Variants in ADK observed in about 807,000 individuals in gnomAD.
ADK encodes adenosine kinase.
Under a neutral mutation model 44.7 loss-of-function variants are expected in ADK, and 24 were observed. The ratio of observed to expected loss-of-function variants is 0.54; its 90% CI spans 0.39 to 0.76. ADK has a LOEUF of 0.76. Among genes scored for constraint, ADK ranks in the 30% least tolerant of loss-of-function variants. The pLI, the probability that ADK is intolerant of heterozygous loss-of-function variation, is 0.00. For synonymous variants in ADK, 128 were observed against 142.6 expected, an observed-to-expected ratio of 0.90 and a Z score of 0.73; for missense variants, 321 against 425.1, an observed-to-expected ratio of 0.76 and a Z score of 2.15.
At position 74,623,148 on chromosome 10, in the gene ADK, T is replaced by C. The variant is rs568385609; in HGVS notation, c.877+22655T>C. ...CAACTTTCCCCCTTCCTTTCAGTTATGACAACTGGCTGGTATGGAAGAGTT... is the reference window on the plus strand; with the variant it reads ...CAACTTTCCCCCTTCCTTTCAGTTACGACAACTGGCTGGTATGGAAGAGTT... On this transcript the variant is annotated intron_variant, in intron 9 of 10. Coordinates refer to ENST00000539909, the MANE Select transcript of ADK (RefSeq NM_006721.4). Among the ~76,000 whole-genome samples the C allele has an allele frequency of 2.6e-5, 4 of 152,334 alleles. No individual in the cohort carries two copies. The East Asian group carries it at 7.7e-4, about 29-fold the overall frequency.
intron 3 of ADK, among the ~76,000 whole-genome samples, chr10:74,269,833 C>T (rs1411095079): frequency 6.6e-6 from 1 of 151,990 alleles, no homozygotes; most frequent in Non-Finnish European, 1.5e-5. Context: ...CCTGTGTCTA[C>T]TAAAAATACA....
intron 7 of ADK, among the ~76,000 whole-genome samples, chr10:74,537,656 T>G (rs761133331): frequency 9.2e-5 from 14 of 152,192 alleles, no homozygotes; most frequent in Admixed American, 8.5e-4. Context: ...CAAGGCTCCA[T>G]AATCACTAGA....
intron 4 of ADK, among the ~76,000 whole-genome samples, chr10:74,384,755 G>A (rs1277338757): frequency 2.0e-5 from 3 of 152,160 alleles, no homozygotes; most frequent in Non-Finnish European, 4.4e-5. Flanking sequence ...TGAAACCTAA[G>A]TAGGAAGCTA....
chr10:74,375,399 G>A (rs1011428262), intron 4 of ADK, among the ~76,000 whole-genome samples: 1 of 152,074 alleles, frequency 6.6e-6, no homozygotes, highest in African/African-American at 2.4e-5. Context: ...TCTATTGTTT[G>A]TTAGTGTTTA....
intron 3 of ADK, among the ~76,000 whole-genome samples, chr10:74,273,240 T>C (rs1846511991): frequency 6.6e-6 from 1 of 151,792 alleles, no homozygotes; most frequent in South Asian, 2.1e-4. Flanking sequence ...GCGGAGAGCC[T>C]CCTTGCTTAA....
chr10:74,184,753 G>T lies in ADK; in HGVS notation c.66-16011G>T, dbSNP rs149896465. 2.2e-3 allele frequency among the ~76,000 whole-genome samples: 330 copies of T among 152,198 alleles called. 2 individuals are homozygous for T. Among genetic ancestry groups the T allele is most frequent in the African/African-American group, 7.5e-3 (312 of 41,540 alleles). ...TTTACTCTCAAAAGTGTCCCATTTG[G>T]ATAATAAATTATCTGGTCACCTACA... is the stretch of plus-strand genomic sequence containing the variant. On this transcript the variant is annotated intron_variant, in intron 1 of 10. Coordinates refer to ENST00000539909, the MANE Select transcript of ADK (RefSeq NM_006721.4).
intron 7 of ADK, among the ~76,000 whole-genome samples, chr10:74,567,613 A>G (rs1359993482): frequency 6.6e-6 from 1 of 151,472 alleles, no homozygotes; most frequent in Non-Finnish European, 1.5e-5. Flanking sequence ...TTTGCCTAAA[A>G]TTGTGCCCAT....
intron 2 of ADK, among the ~76,000 whole-genome samples, chr10:74,222,866 T>TG (rs1299628010): frequency 2.3e-4 from 9 of 38,994 alleles, no homozygotes; most frequent in Non-Finnish European, 3.9e-4. Flanking sequence ...TGTTGTGGGG[T>TG]GGGGGGAGGG....
At chr10:74,642,613 T>C (rs1467678738) in intron 9 of ADK, among the ~76,000 whole-genome samples, 1 of 151,998 alleles carries the variant, frequency 6.6e-6, no homozygotes, top group East Asian at 1.9e-4. Context: ...CCATATTCCC[T>C]CTTATAAAAT....
intron 6 of ADK, among the ~76,000 whole-genome samples, chr10:74,423,106 A>G (rs760306729): frequency 1.9e-4 from 29 of 152,278 alleles, no homozygotes; most frequent in Admixed American, 1.2e-3. Context: ...CTCATATACA[A>G]GGGTGAGGGG....
At chr10:74,367,550 G>A (rs1842533194) in intron 4 of ADK, among the ~76,000 whole-genome samples, 1 of 152,162 alleles carries the variant, frequency 6.6e-6, no homozygotes, top group Admixed American at 6.5e-5. Flanking sequence ...GCATGTGTGA[G>A]TTTACCTACT....
chr10:74,270,969 C>T (rs1846409542), intron 3 of ADK, among the ~76,000 whole-genome samples: 1 of 152,090 alleles, frequency 6.6e-6, no homozygotes, highest in East Asian at 1.9e-4. Context: ...TTTCTCACAA[C>T]CAATTTTTAG....
At chr10:74,703,733 A>T (rs1290327259) in intron 10 of ADK, among the ~76,000 whole-genome samples, 3 of 152,234 alleles carry the variant, frequency 2.0e-5, no homozygotes, top group Non-Finnish European at 4.4e-5. Context: ...ACTGAAGTTG[A>T]TGTTGATGTC....
At chr10:74,578,795 A>G (rs1265077033) in intron 7 of ADK, among the ~76,000 whole-genome samples, 1 of 152,240 alleles carries the variant, frequency 6.6e-6, no homozygotes, top group Non-Finnish European at 1.5e-5. Flanking sequence ...AGGAGGATTC[A>G]GAACTGAGTA....
intron 10 of ADK, among the ~76,000 whole-genome samples, chr10:74,692,194 A>C (rs73278319): frequency 6.6e-6 from 1 of 152,136 alleles, no homozygotes; most frequent in Admixed American, 6.6e-5. Context: ...GTAATGAGCT[A>C]TCAGCTGGGC....
intron 4 of ADK, chr10:74,372,075 G>GA: frequency 1.3e-6 from 1 of 756,722 alleles, no homozygotes; most frequent in Non-Finnish European, 2.4e-6. Flanking sequence ...GCCAGCCCGG[G>GA]AAGGTTTGCG....
intron 6 of ADK, among the ~76,000 whole-genome samples, chr10:74,412,755 G>T (rs906471307): frequency 5.3e-5 from 8 of 152,044 alleles, no homozygotes; most frequent in African/African-American, 1.9e-4. Flanking sequence ...TCAACAGTGG[G>T]CTTAAAATAT....
intron 6 of ADK, among the ~76,000 whole-genome samples, chr10:74,433,049 C>T (rs1845053541): frequency 1.3e-5 from 2 of 152,114 alleles, no homozygotes; most frequent in South Asian, 4.1e-4. Context: ...GTTGGAAATG[C>T]CTTTGGCTCT....
chr10:74,205,316 C>T (rs1216948157), intron 2 of ADK, among the ~76,000 whole-genome samples: 1 of 152,104 alleles, frequency 6.6e-6, no homozygotes, highest in Non-Finnish European at 1.5e-5. Flanking sequence ...CACATTATCA[C>T]TCTGTGTATC....
Sources: gnomAD v4.1 joint callset for allele counts (sites outside exome capture counted in the v4.1 genomes callset) on GRCh38, gnomAD v4.1.1 for gene constraint, MANE v1.5 for transcripts, NCBI Gene and HGNC (gene_info 2026-07-23, HGNC 2026-07-21) for gene names.